Variants in CELF1 observed in about 807,000 individuals in gnomAD.
CELF1 encodes the protein 50 kDa nuclear polyadenylated RNA-binding protein.
CELF1 carries 10 observed loss-of-function variants against 61.8 expected under a neutral mutation model. The observed-to-expected ratio is 0.16, with a 90% CI of 0.10 to 0.27. CELF1 has a LOEUF of 0.27. Among genes scored for constraint, CELF1 ranks in the 10% least tolerant of loss-of-function variants. The pLI is 1.00. For missense variants in CELF1, 380 were observed against 639.1 expected, an observed-to-expected ratio of 0.59 and a Z score of 4.37; for synonymous variants, 236 against 225.1, an observed-to-expected ratio of 1.05 and a Z score of -0.43.
chr11:47,472,455 C>G lies in CELF1; in HGVS notation c.1418-98G>C. The stretch of plus-strand genomic sequence containing the variant: ...ATACCTTATGTGCTTCATCTCAAAT[C>G]CCAATTTTATTCAGCAGGGACAAGA... On this transcript the variant is annotated intron_variant, in intron 14 of 14. Coordinates refer to ENST00000687097, the MANE Select transcript of CELF1 (RefSeq NM_001376376.1). 2 of 1,350,820 alleles carry G rather than the reference C, an allele frequency of 1.5e-6. 1 individual carries two copies. Among genetic ancestry groups the G allele is most frequent in the South Asian group, 2.6e-5 (2 of 76,044 alleles). The allele number at this position is 1,350,820 out of a possible 1,614,324, so 83.7% of individuals were successfully genotyped here.
At chr11:47,559,932 G>A (rs917394191) in intron 2 of CELF1, among the ~76,000 whole-genome samples, 3 of 151,486 alleles carry the variant, frequency 2.0e-5, no homozygotes, top group African/African-American at 7.3e-5. Context: ...AACCCAAGAG[G>A]CAGAAGTTGC....
At chr11:47,504,234 G>A (rs779387843) in intron 1 of CELF1, among the ~76,000 whole-genome samples, 2 of 151,620 alleles carry the variant, frequency 1.3e-5, no homozygotes, top group Non-Finnish European at 2.9e-5. Flanking sequence ...TCTAGACAAT[G>A]TAAAAATTTC....
chr11:47,473,276 C>T (rs765105063), intron 13 of CELF1, 45 bp from the exon 14 acceptor site: 5 of 1,575,434 alleles, frequency 3.2e-6, no homozygotes, highest in Non-Finnish European at 4.3e-6. Flanking sequence ...GTCAAACATG[C>T]TCGTCGCCCT....
At chr11:47,484,545 G>T (rs1272893462) in intron 6 of CELF1, 22 bp from the exon 7 acceptor site, 2 of 1,593,760 alleles carry the variant, frequency 1.3e-6, no homozygotes, top group Admixed American at 1.9e-5. Flanking sequence ...AAACAGAAAA[G>T]ACTTGAATAT....
intron 1 of CELF1, among the ~76,000 whole-genome samples, chr11:47,533,186 C>T (rs1273111363): frequency 6.6e-6 from 1 of 151,808 alleles, no homozygotes; most frequent in East Asian, 1.9e-4. Context: ...ATACAGTATA[C>T]ATTTCTGAAG....
intron 1 of CELF1, among the ~76,000 whole-genome samples, chr11:47,509,246 G>A (rs1223890556): frequency 6.6e-6 from 1 of 152,142 alleles, no homozygotes; most frequent in African/African-American, 2.4e-5. Context: ...GAACCAAAGG[G>A]CACATGCTCT....
intron 1 of CELF1, among the ~76,000 whole-genome samples, chr11:47,536,297 C>A (rs575883728): frequency 6.6e-6 from 1 of 152,004 alleles, no homozygotes; most frequent in Non-Finnish European, 1.5e-5. Context: ...ACCCGGGAGG[C>A]GGAGGTTGCA....
upstream of CELF1, among the ~76,000 whole-genome samples, chr11:47,553,818 AT>A (rs34706651): frequency 2.0e-5 from 3 of 148,452 alleles, no homozygotes; most frequent in Non-Finnish European, 4.5e-5. Flanking sequence ...ATATATATAT[AT>A]TTTTTTTTCT....
At chr11:47,485,141 G>A (rs1029388132) in intron 6 of CELF1, among the ~76,000 whole-genome samples, 1 of 152,312 alleles carries the variant, frequency 6.6e-6, no homozygotes, top group Non-Finnish European at 1.5e-5. Flanking sequence ...GGTAGCAGTT[G>A]CTATTAAATG....
chr11:47,499,455 GGGACT>G lies in CELF1; in HGVS notation c.64_68del (p.Ser22ArgfsTer18). On this transcript the variant is annotated frameshift_variant, in exon 3 of 15. Coordinates refer to ENST00000687097, the MANE Select transcript of CELF1 (RefSeq NM_001376376.1). LOFTEE classifies it high-confidence loss of function. ...AATTAGACAACAAAAATACTTACAC[GGGACT>G]GGAATTCAAAGAGCAATGATCCACC... is the stretch of plus-strand genomic sequence containing the variant. The G allele has an allele frequency of 3.3e-6, 5 of 1,534,790 alleles. No individual in the cohort carries two copies. Among genetic ancestry groups the G allele is most frequent in the Non-Finnish European group, 4.4e-6 (5 of 1,145,836 alleles).
At chr11:47,553,169 G>C (rs991686538), upstream of CELF1, 12 of 393,854 alleles carry the variant, frequency 3.0e-5, no homozygotes, top group Non-Finnish European at 4.0e-5. Flanking sequence ...TACCACCGGC[G>C]GGGAGGGCAG....
At chr11:47,510,525 T>C (rs1335856373) in intron 1 of CELF1, among the ~76,000 whole-genome samples, 1 of 152,218 alleles carries the variant, frequency 6.6e-6, no homozygotes, top group Non-Finnish European at 1.5e-5. Flanking sequence ...CTCGCTCTGT[T>C]GCCCAGGCTG....
chr11:47,472,447 T>A (rs963170286), intron 14 of CELF1, 90 bp from the exon 15 acceptor site: 1 of 1,393,182 alleles, frequency 7.2e-7, no homozygotes, highest in African/African-American at 1.4e-5. Flanking sequence ...ATGTGCTTCA[T>A]CTCAAATCCC....
intron 1 of CELF1, among the ~76,000 whole-genome samples, chr11:47,528,543 CAGG>C (rs1360549595): frequency 6.6e-6 from 1 of 151,966 alleles, no homozygotes; most frequent in East Asian, 1.9e-4. Flanking sequence ...TCATTGAGGC[CAGG>C]AGTTTGAGGC....
chr11:47,506,099 A>C (rs930588260), intron 1 of CELF1, among the ~76,000 whole-genome samples: 1 of 150,806 alleles, frequency 6.6e-6, no homozygotes, highest in Admixed American at 6.7e-5. Context: ...GGCCACAAAT[A>C]AAATATACTA....
chr11:47,535,037 G>A (rs2096593608), intron 1 of CELF1, among the ~76,000 whole-genome samples: 1 of 152,032 alleles, frequency 6.6e-6, no homozygotes, highest in African/African-American at 2.4e-5. Flanking sequence ...AAAGGGTTAA[G>A]TCTTTCCATA....
intron 2 of CELF1, among the ~76,000 whole-genome samples, 155 bp downstream of exon 2, chr11:47,500,706 C>T (rs1347883117): frequency 6.6e-6 from 1 of 152,002 alleles, no homozygotes; most frequent in Non-Finnish European, 1.5e-5. Flanking sequence ...GCAGTCAAGG[C>T]AGATGTGTGC....
rs2077576610 is a variant in CELF1, at chr11:47,471,002, C to T, written c.*1228G>A. On this transcript the variant is annotated 3_prime_UTR_variant, in exon 15 of 15. Coordinates refer to ENST00000687097, the MANE Select transcript of CELF1 (RefSeq NM_001376376.1). ...GAGGCTGTAAACGTCCTGATGTCACCTCTGCCTCAAGAGCAGAAAATGTGA... is the reference window on the plus strand; with the variant it reads ...GAGGCTGTAAACGTCCTGATGTCACTTCTGCCTCAAGAGCAGAAAATGTGA... 6.6e-6 allele frequency: 1 copy of T among 152,202 alleles called. No individual in the cohort carries two copies. The highest frequency in any genetic ancestry group is 2.4e-5 in the African/African-American group (1 of 41,428). The allele number at this position is 152,202 out of a possible 1,614,324, so 9.4% of individuals were successfully genotyped here.
intron 9 of CELF1, chr11:47,482,365 G>C (rs2083839268): frequency 2.1e-5 from 4 of 192,484 alleles, no homozygotes; most frequent in Non-Finnish European, 4.2e-5. Flanking sequence ...TATGGAGAAA[G>C]ACACTGGTAG....
Sources: allele counts gnomAD v4.1 joint callset (sites outside exome capture counted in the v4.1 genomes callset), GRCh38; gene constraint gnomAD v4.1.1; transcripts MANE v1.5; gene names NCBI Gene and HGNC (gene_info 2026-07-23, HGNC 2026-07-21).